URB2: variants seen among roughly 807,000 people sequenced by gnomAD.
URB2 encodes unhealthy ribosome biogenesis protein 2 homolog.
A neutral mutation model predicts 120.9 loss-of-function variants in URB2; 86 were observed. The observed-to-expected ratio is 0.71, with a 90% CI of 0.60 to 0.85. The LOEUF is 0.85. Ranked by LOEUF, URB2 falls within the 40% of genes least tolerant of loss-of-function variation. The pLI is 0.00. For synonymous variants in URB2, 755 were observed against 758.4 expected (o/e 1.00, Z 0.07); for missense variants, 1,765 against 1,836.5 (o/e 0.96, Z 0.71).
intron 7 of URB2, 81 bp downstream of exon 7, chr1:229,647,833 A>C: frequency 2.0e-6 from 3 of 1,529,458 alleles, no homozygotes; most frequent in Non-Finnish European, 1.8e-6. Flanking sequence ...TGGCAGCAAA[A>C]CTTTACTGTT....
intron 7 of URB2, among the ~76,000 whole-genome samples, chr1:229,648,875 G>A (rs558346492): frequency 2.0e-5 from 3 of 152,310 alleles, no homozygotes; most frequent in Non-Finnish European, 4.4e-5. Context: ...ACCATAGATC[G>A]TATAATACTT....
chr1:229,641,213 G>A (rs544007572), intron 4 of URB2, among the ~76,000 whole-genome samples: 5 of 151,804 alleles, frequency 3.3e-5, no homozygotes, highest in Non-Finnish European at 4.4e-5. Flanking sequence ...GGGTTTTACC[G>A]TGTTGGCCAG....
chr1:229,649,566 G>A (rs1354293286), intron 7 of URB2, among the ~76,000 whole-genome samples: 2 of 152,204 alleles, frequency 1.3e-5, no homozygotes, highest in African/African-American at 2.4e-5. Context: ...TTACAGTAAA[G>A]AATGATGTGA....
rs751127003 is a variant in URB2, at chr1:229,636,416, G to C, written c.1803G>C (p.Lys601Asn). 13 of 1,614,150 alleles carry C rather than the reference G, an allele frequency of 8.1e-6. No homozygotes were observed. The highest frequency in any genetic ancestry group is 8.0e-5 in the African/African-American group (6 of 74,954). Residue 601 changes from lysine (K) to asparagine (N), a missense_variant, in exon 4 of 10, where the codon AAG becomes AAC. Lys to Asn is a moderately conservative substitution (Grantham distance 94, BLOSUM62 0). Transcript: ENST00000258243. The part of the protein sequence containing the change: ...PGPEPELWLQ[K>N]VSDSVLLLSY... ...CAGAGCCAGAGCTGTGGCTGCAGAA[G>C]GTCAGTGACTCTGTGCTCCTGCTCT... is the stretch of plus-strand genomic sequence containing the variant.
chr1:229,636,774 G>A lies in URB2; in HGVS notation c.2161G>A (p.Ala721Thr). Reference sequence around the variant, plus strand: ...AAAAAGCTTGAATCAGAGAACGACGGCTTCCTGGGATGGCCAAGTTGGGAT... The same window carrying A: ...AAAAAGCTTGAATCAGAGAACGACGACTTCCTGGGATGGCCAAGTTGGGAT... ...GRKSLNQRTT[A>T]SWDGQVGMVS... Residue 721 changes from alanine to threonine, a missense_variant, in exon 4 of 10, where the codon GCT (alanine) becomes ACT (threonine). Physicochemically the swap from Ala to Thr is moderately conservative, Grantham distance 58. Coordinates refer to ENST00000258243, the MANE Select transcript of URB2 (RefSeq NM_014777.4). 1 of 1,612,094 alleles carries A rather than the reference G, an allele frequency of 6.2e-7. No individual in the cohort carries two copies. Among genetic ancestry groups the A allele is most frequent in the Non-Finnish European group, 8.5e-7 (1 of 1,178,540 alleles).
intron 9 of URB2, 98 bp downstream of exon 9, chr1:229,654,486 GT>G: frequency 1.3e-6 from 2 of 1,543,366 alleles, no homozygotes; most frequent in Non-Finnish European, 1.8e-6. Context: ...GGATCTGACA[GT>G]TCTCTGTTGC....
Position 229,636,706 on chromosome 1 carries a change from A to G in URB2, c.2093A>G (p.Gln698Arg). The G allele has an allele frequency of 6.2e-7, 1 of 1,614,060 alleles. No individual in the cohort carries two copies. Among genetic ancestry groups the G allele is most frequent in the African/African-American group, 1.3e-5 (1 of 75,064 alleles). Residue 698 changes from glutamine (Q) to arginine (R), a missense_variant, in exon 4 of 10, where the codon CAA becomes CGA. Physicochemically the swap from Gln to Arg is conservative, Grantham distance 43 (BLOSUM62 1). Coordinates refer to ENST00000258243, the MANE Select transcript of URB2 (RefSeq NM_014777.4). ...AGTTTCCGGTCTGAAGGAGCCATCC[A>G]AAGTTTGAGGTGCGATGCTGCCTTT... ...QTSFRSEGAI[Q>R]SLRCDAAFII...
chr1:229,658,551 G>C (rs908458311), intron 9 of URB2, among the ~76,000 whole-genome samples: 1 of 152,204 alleles, frequency 6.6e-6, no homozygotes, highest in Non-Finnish European at 1.5e-5. Flanking sequence ...GATATGATGT[G>C]ATCTAATTAC....
chr1:229,645,106 G>A (rs1247313651), intron 5 of URB2, among the ~76,000 whole-genome samples: 3 of 151,986 alleles, frequency 2.0e-5, no homozygotes, highest in Admixed American at 6.6e-5. Context: ...CCAACATAGT[G>A]AAACCCCGTC....
chr1:229,638,563 G>A (rs547814262), intron 4 of URB2, among the ~76,000 whole-genome samples: 1 of 151,804 alleles, frequency 6.6e-6, no homozygotes, highest in East Asian at 2.0e-4. Context: ...GGAGAATGGC[G>A]TGAACCCAGG....
chr1:229,648,103 T>C (rs1666194887), intron 7 of URB2, among the ~76,000 whole-genome samples: 1 of 152,232 alleles, frequency 6.6e-6, no homozygotes, highest in Non-Finnish European at 1.5e-5. Context: ...CCTGACCTCA[T>C]GTGACTGGTC....
rs771991334 is a variant in URB2, at chr1:229,635,727, A to G, written c.1114A>G (p.Ile372Val). 3.7e-6 allele frequency: 6 copies of G among 1,614,140 alleles called. No homozygotes were observed. The highest frequency in any genetic ancestry group is 5.1e-6 in the Non-Finnish European group (6 of 1,180,030). ...ACTAAACTCAGTGGCCAACAACAATATCTACAACATCGCTGCCGACAGAAT... is the reference window on the plus strand; with the variant it reads ...ACTAAACTCAGTGGCCAACAACAATGTCTACAACATCGCTGCCGACAGAAT... Reference protein sequence around the residue: ...QLLNSVANNNIYNIAADRIRH... With the variant: ...QLLNSVANNNVYNIAADRIRH... The change falls in exon 4 of 10, where the codon ATC (isoleucine) becomes GTC (valine). Residue 372 changes from isoleucine to valine, a missense_variant. Ile to Val is a conservative substitution (Grantham distance 29). Coordinates refer to ENST00000258243, the MANE Select transcript of URB2 (RefSeq NM_014777.4).
At position 229,658,300 on chromosome 1, in the gene URB2, T is replaced by C. The variant is rs61825540; in HGVS notation, c.4378-800T>C. Among the ~76,000 whole-genome samples, 1,410 of 152,278 alleles carry C rather than the reference T, an allele frequency of 9.3e-3. 13 individuals carry two copies. Among genetic ancestry groups the C allele is most frequent in the Middle Eastern group, 0.024 (7 of 294 alleles). On this transcript the variant is annotated intron_variant, in intron 9 of 9. Transcript: ENST00000258243. Reference sequence around the variant, plus strand: ...TTGGTTTGATATTAGTCTGAGTCTCTTCTCTGGAAGTTTGGGTGGAGCATC... The same window carrying C: ...TTGGTTTGATATTAGTCTGAGTCTCCTCTCTGGAAGTTTGGGTGGAGCATC...
intron 2 of URB2, 142 bp downstream of exon 2, chr1:229,627,901 C>G: frequency 9.3e-7 from 1 of 1,078,432 alleles, no homozygotes. Context: ...AATGTAATGT[C>G]AATGAAAAAA....
At chr1:229,652,805 TCA>T (rs1666312179) in intron 8 of URB2, among the ~76,000 whole-genome samples, 1 of 152,224 alleles carries the variant, frequency 6.6e-6, no homozygotes, top group African/African-American at 2.4e-5. Context: ...CACAGCCTGG[TCA>T]CACTGCCACA....
chr1:229,657,917 A>G (rs1040147305), intron 9 of URB2, among the ~76,000 whole-genome samples: 19 of 152,248 alleles, frequency 1.2e-4, no homozygotes, highest in African/African-American at 3.9e-4. Flanking sequence ...GTGTTTGCAG[A>G]GACACATTAA....
intron 3 of URB2, 86 bp from the exon 4 acceptor site, chr1:229,634,831 T>A: frequency 1.6e-6 from 2 of 1,226,732 alleles, no homozygotes; most frequent in Non-Finnish European, 2.2e-6. Context: ...AAGGGGTGAG[T>A]TTGTTGATTT....
Position 229,635,495 on chromosome 1 carries a change from C to T in URB2, c.882C>T (p.Ser294=), listed in dbSNP as rs753095077. 4 of 1,613,484 alleles carry T rather than the reference C, an allele frequency of 2.5e-6. No individual in the cohort carries two copies. The Admixed American group carries it at 6.7e-5, about 27-fold the overall frequency. ...RLVDAGYCAA[S]LHTSVVANSV... ...TTGATGCTGGCTACTGTGCAGCATC[C>T]CTTCATACCTCTGTTGTGGCCAACT... The change falls in exon 4 of 10, where the codon TCC becomes TCT. Residue 294 remains serine (S), a synonymous_variant. Transcript: ENST00000258243.
chr1:229,639,119 AC>A (rs1327931655), intron 4 of URB2, among the ~76,000 whole-genome samples: 2 of 151,738 alleles, frequency 1.3e-5, no homozygotes. Context: ...ACATGGCAAA[AC>A]CCCATCTCTA....
Sources: allele counts gnomAD v4.1 joint callset (sites outside exome capture counted in the v4.1 genomes callset), GRCh38; gene constraint gnomAD v4.1.1; transcripts MANE v1.5; gene names NCBI Gene and HGNC (gene_info 2026-07-23, HGNC 2026-07-21).